ERBIN: variants seen among roughly 807,000 people sequenced by gnomAD.
ERBIN encodes the protein erbb2 interacting protein, also known as densin-180-like protein.
A neutral mutation model predicts 158.4 loss-of-function variants in ERBIN; 60 were observed. The ratio of observed to expected loss-of-function variants is 0.38; its 90% CI spans 0.31 to 0.47. ERBIN has a LOEUF of 0.47. Among genes scored for constraint, ERBIN ranks in the 20% least tolerant of loss-of-function variants. ERBIN has a pLI of 0.99. For missense variants in ERBIN, 1,610 were observed against 1,648.0 expected (o/e 0.98, Z 0.40); for synonymous variants, 594 against 557.2 (o/e 1.07, Z -0.93).
intron 5 of ERBIN, 42 bp downstream of exon 5, chr5:66,012,169 A>G (rs1265378841): frequency 7.6e-7 from 1 of 1,318,178 alleles, no homozygotes. Context: ...TGTGAATAAA[A>G]CAATTATGAA....
At chr5:65,987,428 G>A (rs1238834161) in intron 1 of ERBIN, among the ~76,000 whole-genome samples, 8 of 139,418 alleles carry the variant, frequency 5.7e-5, no homozygotes, top group African/African-American at 2.1e-4. Flanking sequence ...TGGGTGTGGT[G>A]GTGCACGCTT....
chr5:66,011,159 A>G (rs751641604), intron 4 of ERBIN, among the ~76,000 whole-genome samples: 1 of 152,194 alleles, frequency 6.6e-6, no homozygotes, highest in Non-Finnish European at 1.5e-5. Flanking sequence ...TTAGCATGAC[A>G]TTGGGTTACG....
At chr5:65,998,790 C>T (rs1222950799) in intron 4 of ERBIN, among the ~76,000 whole-genome samples, 1 of 149,874 alleles carries the variant, frequency 6.7e-6, no homozygotes, top group African/African-American at 2.5e-5. Flanking sequence ...CCGACTACTT[C>T]AGGCTGTTGT....
At chr5:65,928,408 G>A (rs188722206) in intron 1 of ERBIN, among the ~76,000 whole-genome samples, 1 of 152,184 alleles carries the variant, frequency 6.6e-6, no homozygotes, top group Admixed American at 6.5e-5. Flanking sequence ...ATCTGAAAGA[G>A]GTGAACAAAA....
intron 1 of ERBIN, among the ~76,000 whole-genome samples, chr5:65,965,524 C>G (rs988208302): frequency 6.6e-6 from 1 of 151,372 alleles, no homozygotes; most frequent in Non-Finnish European, 1.5e-5. Flanking sequence ...CCTGTCTCAG[C>G]CTCTCAGGTA....
intron 16 of ERBIN, among the ~76,000 whole-genome samples, 200 bp from the exon 17 acceptor site, chr5:66,043,937 A>AT (rs767711194): frequency 1.1e-4 from 17 of 152,142 alleles, no homozygotes; most frequent in Non-Finnish European, 1.8e-4. Context: ...AAACATTGAA[A>AT]TTTACTGCAA....
intron 1 of ERBIN, among the ~76,000 whole-genome samples, chr5:65,928,363 G>C (rs998023678): frequency 2.6e-5 from 4 of 151,938 alleles, no homozygotes; most frequent in Admixed American, 2.6e-4. Flanking sequence ...ATTTTGGAAC[G>C]TATCATTAGG....
At chr5:66,042,994 C>G in intron 15 of ERBIN, 83 bp from the exon 16 acceptor site, 1 of 1,062,588 alleles carries the variant, frequency 9.4e-7, no homozygotes, top group African/African-American at 1.6e-5. Flanking sequence ...GTGAACATAA[C>G]TCATACAGAA....
chr5:66,051,575 C>T (rs183233429), intron 20 of ERBIN, among the ~76,000 whole-genome samples: 2 of 152,260 alleles, frequency 1.3e-5, no homozygotes, highest in East Asian at 3.9e-4. Context: ...GTTACTCTAT[C>T]AGCTAAACTC....
chr5:65,965,382 GTTTTTTTTTT>G (rs200847060), intron 1 of ERBIN, among the ~76,000 whole-genome samples: 21 of 96,038 alleles, frequency 2.2e-4, no homozygotes, highest in African/African-American at 4.9e-4. Flanking sequence ...GTTTTTTGTT[GTTTTTTTTTT>G]TTTTTTTTTT....
rs543856826 is a variant in ERBIN, at chr5:65,998,425, C to T, written c.307+3561C>T. On this transcript the variant is annotated intron_variant, in intron 4 of 25. Coordinates refer to ENST00000284037, the MANE Select transcript of ERBIN (RefSeq NM_001253697.2). Reference sequence around the variant, plus strand: ...GTTTTAGTGGTTAGTGCCGTACTGACGTTCAGTTCACAATAACTAATAAAT... The same window carrying T: ...GTTTTAGTGGTTAGTGCCGTACTGATGTTCAGTTCACAATAACTAATAAAT... 3.3e-5 allele frequency among the ~76,000 whole-genome samples: 5 copies of T among 151,752 alleles called. No homozygotes were observed. The East Asian group carries it at 5.8e-4, about 18-fold the overall frequency.
At chr5:66,076,234 C>T in intron 23 of ERBIN, 82 bp from the exon 24 acceptor site, 2 of 1,001,228 alleles carry the variant, frequency 2.0e-6, no homozygotes, top group East Asian at 2.4e-5. Context: ...TGGACTTAAC[C>T]AATCAGTATT....
At chr5:66,060,881 TTTGA>T (rs1347012104) in intron 21 of ERBIN, among the ~76,000 whole-genome samples, 1 of 152,210 alleles carries the variant, frequency 6.6e-6, no homozygotes, top group African/African-American at 2.4e-5. Context: ...TGAGTTCTAG[TTTGA>T]TTGCACTGTG....
At chr5:66,014,431 C>G (rs943533944) in intron 6 of ERBIN, among the ~76,000 whole-genome samples, 2 of 152,146 alleles carry the variant, frequency 1.3e-5, no homozygotes, top group Non-Finnish European at 2.9e-5. Context: ...TTGGGATATT[C>G]ACTTTGTCGC....
At chr5:66,044,948 TG>T (rs1266240752) in intron 17 of ERBIN, among the ~76,000 whole-genome samples, 10 of 151,804 alleles carry the variant, frequency 6.6e-5, no homozygotes, top group Non-Finnish European at 1.3e-4. Context: ...GGCTTGGTGA[TG>T]TGTGCCTGTT....
chr5:66,065,675 G>A (rs1760921629), intron 21 of ERBIN, among the ~76,000 whole-genome samples: 2 of 141,596 alleles, frequency 1.4e-5, no homozygotes, highest in African/African-American at 5.2e-5. Context: ...CTTTGTATGT[G>A]AACCAGCATC....
chr5:66,043,597 A>G (rs1162626077), intron 16 of ERBIN, among the ~76,000 whole-genome samples: 2 of 152,022 alleles, frequency 1.3e-5, no homozygotes, highest in Non-Finnish European at 2.9e-5. Flanking sequence ...GAGATAAAGA[A>G]CTCTTTGTTA....
In ERBIN at chr5:66,079,598, G is replaced by C. The variant is rs1762287992; in HGVS notation, c.*1068G>C. 1 of 152,584 alleles carries C rather than the reference G, an allele frequency of 6.6e-6. No homozygotes were observed. Among genetic ancestry groups the C allele is most frequent in the Non-Finnish European group, 1.5e-5 (1 of 68,012 alleles). The allele number at this position is 152,584 out of a possible 1,614,324, so 9.5% of individuals were successfully genotyped here. On this transcript the variant is annotated 3_prime_UTR_variant, in exon 26 of 26. Coordinates refer to ENST00000284037, the MANE Select transcript of ERBIN (RefSeq NM_001253697.2). ...TAAAGTAAAAGGAAACAGTACACTTGGAGCTAGGAAACCAAAGCAAGCTTT... is the reference window on the plus strand; with the variant it reads ...TAAAGTAAAAGGAAACAGTACACTTCGAGCTAGGAAACCAAAGCAAGCTTT...
intron 21 of ERBIN, among the ~76,000 whole-genome samples, chr5:66,071,336 T>C (rs1761508597): frequency 6.6e-6 from 1 of 151,966 alleles, no homozygotes; most frequent in Admixed American, 6.5e-5. Flanking sequence ...ACCACTGCAC[T>C]ACAGCCTAGG....
Sources: gnomAD v4.1 joint callset for allele counts (sites outside exome capture counted in the v4.1 genomes callset) on GRCh38, gnomAD v4.1.1 for gene constraint, MANE v1.5 for transcripts, NCBI Gene and HGNC (gene_info 2026-07-23, HGNC 2026-07-21) for gene names.